The following LARGE1 variants were observed in gnomAD, a reference collection of about 807,000 sequenced individuals.
LARGE1 encodes the protein xylosyl- and glucuronyltransferase LARGE1.
A neutral mutation model predicts 87.6 loss-of-function variants in LARGE1; 43 were observed. That is an observed-to-expected ratio of 0.49 (90% CI 0.38 to 0.63). The LOEUF is 0.63. LARGE1 is among the 30% of genes least tolerant of loss of function. The pLI, the probability that LARGE1 is intolerant of heterozygous loss-of-function variation, is 0.00. For synonymous variants in LARGE1, 434 were observed against 394.6 expected (o/e 1.10, Z -1.18); for missense variants, 802 against 1,000.2 (o/e 0.80, Z 2.67).
At chr22:33,117,457 G>C in the LARGE1 span, among the ~76,000 whole-genome samples, 1 of 150,202 alleles carries the variant, frequency 6.7e-6, no homozygotes, top group East Asian at 1.9e-4. Context: ...TTTTTAACAT[G>C]TGAGGGTCCT....
At chr22:33,500,715 A>G (rs192149267) in intron 6 of LARGE1, among the ~76,000 whole-genome samples, 1 of 152,314 alleles carries the variant, frequency 6.6e-6, no homozygotes, top group Non-Finnish European at 1.5e-5. Flanking sequence ...CTTTGCTTAC[A>G]TGATTGTTGG....
chr22:33,454,342 G>A (rs530813050), intron 6 of LARGE1, among the ~76,000 whole-genome samples: 26 of 152,060 alleles, frequency 1.7e-4, no homozygotes, highest in Admixed American at 1.2e-3. Flanking sequence ...GAGTTAGGCC[G>A]GGCACAGTGG....
chr22:33,113,781 C>CA, the LARGE1 span, among the ~76,000 whole-genome samples: 6 of 152,108 alleles, frequency 3.9e-5, no homozygotes, highest in African/African-American at 1.4e-4. Context: ...CACTCTCGTT[C>CA]AAAATCTTCT....
intron 7 of LARGE1, among the ~76,000 whole-genome samples, chr22:33,412,006 G>A (rs531188640): frequency 2.4e-4 from 36 of 152,252 alleles, no homozygotes; most frequent in African/African-American, 6.7e-4. Context: ...ATTATTGGCC[G>A]GGCACGGTGG....
intron 1 of LARGE1, among the ~76,000 whole-genome samples, chr22:33,811,119 TCTTG>T (rs2086481572): frequency 6.6e-6 from 1 of 152,176 alleles, no homozygotes; most frequent in African/African-American, 2.4e-5. Context: ...GATTCTGAGC[TCTTG>T]CTTATGTTAA....
chr22:33,647,717 A>AT (rs1399261586), intron 3 of LARGE1, among the ~76,000 whole-genome samples: 8 of 152,216 alleles, frequency 5.3e-5, no homozygotes, highest in Admixed American at 1.3e-4. Flanking sequence ...CTCAAGTTCC[A>AT]ATATCCATTG....
At chr22:33,785,234 C>CATACATATGTATATATACATATATGTGT (rs2085598271) in intron 1 of LARGE1, among the ~76,000 whole-genome samples, 1 of 147,116 alleles carries the variant, frequency 6.8e-6, no homozygotes, top group Non-Finnish European at 1.5e-5. Flanking sequence ...TATGTGTATA[C>CATACATATGTATATATACATATATGTGT]ATACATATGT....
At chr22:33,226,507 A>G (rs1602117132) in intron 11 of LARGE1, among the ~76,000 whole-genome samples, 2 of 152,164 alleles carry the variant, frequency 1.3e-5, no homozygotes, top group Non-Finnish European at 2.9e-5. Flanking sequence ...TGTCACCAGG[A>G]CCTAAAGCCA....
intron 6 of LARGE1, among the ~76,000 whole-genome samples, chr22:33,508,257 T>C (rs2070859030): frequency 6.6e-6 from 1 of 152,036 alleles, no homozygotes; most frequent in Non-Finnish European, 1.5e-5. Flanking sequence ...TACTGGTGGG[T>C]GTCACCCTGG....
At chr22:33,173,041 C>T (rs190991455) in intron 11 of LARGE1, among the ~76,000 whole-genome samples, 1 of 152,066 alleles carries the variant, frequency 6.6e-6, no homozygotes, top group East Asian at 1.9e-4. Flanking sequence ...AAGAGCAACC[C>T]CAAGACACAT....
At chr22:33,688,343 T>TTGC (rs2082001484) in intron 2 of LARGE1, among the ~76,000 whole-genome samples, 1 of 152,042 alleles carries the variant, frequency 6.6e-6, no homozygotes, top group Non-Finnish European at 1.5e-5. Flanking sequence ...CCCTTGCAGG[T>TTGC]TGCACTGTTT....
At chr22:33,341,775 C>A (rs547855826) in intron 9 of LARGE1, among the ~76,000 whole-genome samples, 1 of 152,294 alleles carries the variant, frequency 6.6e-6, no homozygotes, top group South Asian at 2.1e-4. Flanking sequence ...CTTCTTGGAA[C>A]CTGTTTCCTC....
rs562536516 is a variant in LARGE1, at chr22:33,775,361, C to CAGG, written c.-82-13806_-82-13804dup. On this transcript the variant is annotated intron_variant, in intron 1 of 14. Coordinates refer to ENST00000397394, the MANE Select transcript of LARGE1 (RefSeq NM_133642.5). ...ATGGTCCAAATCACACCTTCTAATCCAGGAACACCACATGGGCAAAGCTGC... is the reference window on the plus strand; with the variant it reads ...ATGGTCCAAATCACACCTTCTAATCCAGGAGGAACACCACATGGGCAAAGCTGC... Among the ~76,000 whole-genome samples the CAGG allele has an allele frequency of 3.2e-4, 48 of 152,332 alleles. 2 individuals are homozygous for CAGG. The South Asian group carries it at 8.5e-3, about 27-fold the overall frequency.
the LARGE1 span, among the ~76,000 whole-genome samples, chr22:33,129,875 CT>C: frequency 6.6e-6 from 1 of 152,190 alleles, no homozygotes; most frequent in African/African-American, 2.4e-5. Context: ...CTGGTCCAAC[CT>C]TTGACACGTG....
At chr22:33,222,452 T>A (rs1047851816) in intron 11 of LARGE1, among the ~76,000 whole-genome samples, 7 of 152,282 alleles carry the variant, frequency 4.6e-5, no homozygotes, top group Admixed American at 4.6e-4. Flanking sequence ...ATATCCTAAT[T>A]CCCAAAATGT....
chr22:33,103,412 A>G, the LARGE1 span, among the ~76,000 whole-genome samples: 137 of 143,272 alleles, frequency 9.6e-4, no homozygotes, highest in African/African-American at 3.4e-3. Flanking sequence ...CAGCCTGGGC[A>G]ACAGAGTGAG....
intron 6 of LARGE1, among the ~76,000 whole-genome samples, chr22:33,555,472 G>A (rs1271818475): frequency 6.6e-6 from 1 of 152,162 alleles, no homozygotes; most frequent in Non-Finnish European, 1.5e-5. Flanking sequence ...GATTCAATGG[G>A]ACAGTCAGGG....
At chr22:33,575,625 G>T (rs903491364) in intron 5 of LARGE1, among the ~76,000 whole-genome samples, 1 of 152,152 alleles carries the variant, frequency 6.6e-6, no homozygotes, top group Non-Finnish European at 1.5e-5. Flanking sequence ...GCAATCTCCC[G>T]TAAGCATCAA....
chr22:33,626,294 G>A lies in LARGE1; in HGVS notation c.441C>T (p.Tyr147=). 6.2e-7 allele frequency: 1 copy of A among 1,614,088 alleles called. No individual in the cohort carries two copies. Among genetic ancestry groups the A allele is most frequent in the Non-Finnish European group, 8.5e-7 (1 of 1,179,978 alleles). The part of the protein sequence containing the change: ...TIHVAIVCAG[Y]NASRDVVTLV... The stretch of plus-strand genomic sequence containing the variant: ...GGGTGACGACATCCCGGCTGGCATT[G>A]TATCCGGCGCAGACAATAGCAACGT... The change falls in exon 4 of 15, where the codon TAC becomes TAT. Residue 147 remains tyrosine, a synonymous_variant. Transcript: ENST00000397394.
Sources: gnomAD v4.1 joint callset for allele counts (sites outside exome capture counted in the v4.1 genomes callset) on GRCh38, gnomAD v4.1.1 for gene constraint, MANE v1.5 for transcripts, NCBI Gene and HGNC (gene_info 2026-07-23, HGNC 2026-07-21) for gene names.